The following MDM4 variants were observed in gnomAD, a reference collection of about 807,000 sequenced individuals.
The protein encoded by MDM4 is MDM4 regulator of p53, also known as protein Mdm4.
Under a neutral mutation model 60.2 loss-of-function variants are expected in MDM4, and 2 were observed. That is an observed-to-expected ratio of 0.03 (90% CI 0.01 to 0.10). The LOEUF is 0.10. MDM4 is among the 10% of genes least tolerant of loss of function. The probability of loss-of-function intolerance (pLI) is 1.00; values close to 1 mark genes in which losing one functional copy is unlikely to be tolerated. For missense variants in MDM4, 447 were observed against 577.5 expected, an observed-to-expected ratio of 0.77 and a Z score of 2.32; for synonymous variants, 202 against 198.1, an observed-to-expected ratio of 1.02 and a Z score of -0.17.
At position 204,548,949 on chromosome 1, in the gene MDM4, C is replaced by T. The variant is rs114462522; in HGVS notation, c.904-164C>T. On this transcript the variant is annotated intron_variant, in intron 10 of 10. Transcript: ENST00000367182. ...TGTGGCACTATCAGTGTAAACCTTCCAAAGACTTTCCTTCATGTGGCTGTA... is the reference window on the plus strand; with the variant it reads ...TGTGGCACTATCAGTGTAAACCTTCTAAAGACTTTCCTTCATGTGGCTGTA... Among the ~76,000 whole-genome samples the T allele has an allele frequency of 2.5e-3, 373 of 152,138 alleles. 2 individuals carry two copies. Among genetic ancestry groups the T allele is most frequent in the African/African-American group, 8.6e-3 (358 of 41,510 alleles).
Position 204,525,264 on chromosome 1 carries a change from C to G in MDM4, c.-35-220C>G, listed in dbSNP as rs551569356. On this transcript the variant is annotated intron_variant, in intron 1 of 10. Transcript: ENST00000367182. ...GAAACTGTTACTGTTTCAGCCTTCA[C>G]CTGAGAGAAGCTTGGACGATTCTTA... The G allele has an allele frequency of 6.5e-6, 6 of 920,966 alleles. No homozygotes were observed. In the South Asian group the frequency reaches 3.0e-4, roughly 46 times the overall value. 57.0% of individuals were successfully genotyped at this position (920,966 alleles called of 1,614,324 possible).
intron 3 of MDM4, among the ~76,000 whole-genome samples, chr1:204,527,284 G>C (rs1399951943): frequency 6.6e-6 from 1 of 152,032 alleles, no homozygotes; most frequent in Non-Finnish European, 1.5e-5. Flanking sequence ...TAGAATGAGA[G>C]ACCCTGTCTC....
intron 1 of MDM4, among the ~76,000 whole-genome samples, chr1:204,522,777 G>C (rs1467895157): frequency 1.3e-5 from 2 of 152,060 alleles, no homozygotes; most frequent in Non-Finnish European, 2.9e-5. Context: ...ATGGGAGAGG[G>C]AGGAATTTAT....
In MDM4 at chr1:204,557,684, G is replaced by C. The variant is rs1349960460; in HGVS notation, c.*8002G>C. The C allele has an allele frequency of 5.6e-6, 1 of 179,956 alleles. No homozygotes were observed. The highest frequency in any genetic ancestry group is 2.4e-5 in the African/African-American group (1 of 42,370). The allele number at this position is 179,956 out of a possible 1,614,324, so 11.1% of individuals were successfully genotyped here. A position where few individuals can be genotyped will look rare whatever the true frequency, so the allele number is the denominator to read the frequency against. On this transcript the variant is annotated 3_prime_UTR_variant, in exon 11 of 11. Coordinates refer to ENST00000367182, the MANE Select transcript of MDM4 (RefSeq NM_002393.5). ...CCCAAAGTACTGGGATTACAGGCGT[G>C]AGCAACTGCTCCTGGCCCAAAACAT...
At position 204,546,880 on chromosome 1, in the gene MDM4, A is replaced by G. The variant is rs751873352; in HGVS notation, c.903+3A>G. On this transcript the variant is annotated splice_donor_region_variant and intron_variant, in intron 10 of 10. Coordinates refer to ENST00000367182, the MANE Select transcript of MDM4 (RefSeq NM_002393.5). ...CCGATGTAGAGGTTACCTCTGAGGT[A>G]TGAATCTTTAGCAAGAACTATTTTG... 1.9e-6 allele frequency: 3 copies of G among 1,589,576 alleles called. No individual in the cohort carries two copies. Among genetic ancestry groups the G allele is most frequent in the Non-Finnish European group, 1.7e-6 (2 of 1,158,924 alleles).
At chr1:204,537,915 T>A in intron 6 of MDM4, 1 of 693,780 alleles carries the variant, frequency 1.4e-6, no homozygotes, top group Non-Finnish European at 2.7e-6. Flanking sequence ...TTCTGAATTA[T>A]GCCTAATTTT....
At chr1:204,522,792 G>C (rs1273705356) in intron 1 of MDM4, among the ~76,000 whole-genome samples, 1 of 151,846 alleles carries the variant, frequency 6.6e-6, no homozygotes, top group Non-Finnish European at 1.5e-5. Flanking sequence ...ATTTATACTT[G>C]ATTACAGCTA....
intron 3 of MDM4, among the ~76,000 whole-genome samples, chr1:204,530,363 A>G (rs375288088): frequency 1.3e-5 from 2 of 152,214 alleles, no homozygotes; most frequent in East Asian, 3.8e-4. Flanking sequence ...ACTTCTAGTA[A>G]TAGAATAGAC....
At position 204,556,167 on chromosome 1, in the gene MDM4, T is replaced by G. The variant is rs1415742572; in HGVS notation, c.*6485T>G. The G allele has an allele frequency of 4.4e-6, 1 of 225,206 alleles. No individual in the cohort carries two copies. The highest frequency in any genetic ancestry group is 8.8e-6 in the Non-Finnish European group (1 of 113,144). The allele number at this position is 225,206 out of a possible 1,614,324, so 14.0% of individuals were successfully genotyped here. The stretch of plus-strand genomic sequence containing the variant: ...TAGTTCCAAAGTTAATTATCTTATT[T>G]CTGGATATTGCTTTTATACCAAAGA... On this transcript the variant is annotated 3_prime_UTR_variant, in exon 11 of 11. Coordinates refer to ENST00000367182, the MANE Select transcript of MDM4 (RefSeq NM_002393.5).
intron 3 of MDM4, 45 bp from the exon 4 acceptor site, chr1:204,530,639 G>C (rs1471886235): frequency 1.3e-6 from 2 of 1,598,974 alleles, no homozygotes; most frequent in Non-Finnish European, 1.7e-6. Context: ...TTGTGTTTTT[G>C]GTAGCAGCTG....
At chr1:204,540,659 A>T (rs1040236383) in intron 7 of MDM4, among the ~76,000 whole-genome samples, 1 of 152,056 alleles carries the variant, frequency 6.6e-6, no homozygotes, top group Non-Finnish European at 1.5e-5. Context: ...GCTACTCGGG[A>T]GGCTGAGGCA....
intron 7 of MDM4, 30 bp downstream of exon 7, chr1:204,538,338 T>TAA: frequency 8.5e-7 from 1 of 1,170,688 alleles, no homozygotes; most frequent in Non-Finnish European, 1.3e-6. Context: ...TATATAGACT[T>TAA]TTGTTCTCTT....
rs1051233325 is a variant in MDM4, at chr1:204,550,057, TTC to T, written c.*377_*378del. 5 of 242,378 alleles carry T rather than the reference TTC, an allele frequency of 2.1e-5. No individual in the cohort carries two copies. The highest frequency in any genetic ancestry group is 1.1e-4 in the Admixed American group (2 of 18,748). 15.0% of individuals were successfully genotyped at this position (242,378 alleles called of 1,614,324 possible). A position where few individuals can be genotyped will look rare whatever the true frequency, so the allele number is the denominator to read the frequency against. ...ACCACCCAAAAAAGCAATAGAATGT[TTC>T]TGTCACCCCAAAACACTCCCTTCTG... On this transcript the variant is annotated 3_prime_UTR_variant, in exon 11 of 11. Coordinates refer to ENST00000367182, the MANE Select transcript of MDM4 (RefSeq NM_002393.5).
chr1:204,542,282 C>G (rs533472791), intron 7 of MDM4, among the ~76,000 whole-genome samples: 1 of 152,288 alleles, frequency 6.6e-6, no homozygotes, highest in South Asian at 2.1e-4. Flanking sequence ...CCTGGACAAC[C>G]TTGTGATCAC....
At position 204,550,147 on chromosome 1, in the gene MDM4, A is replaced by C. The variant is rs535007124; in HGVS notation, c.*465A>C. On this transcript the variant is annotated 3_prime_UTR_variant, in exon 11 of 11. Coordinates refer to ENST00000367182, the MANE Select transcript of MDM4 (RefSeq NM_002393.5). ...TCACCCTAGTTTTTTTTTTTTTTGC[A>C]CTTTTTTTTTTCCGGGGGTATAGGG... is the stretch of plus-strand genomic sequence containing the variant. The C allele has an allele frequency of 4.7e-3, 927 of 196,210 alleles. 2 individuals carry two copies. The highest frequency in any genetic ancestry group is 7.0e-3 in the Non-Finnish European group (709 of 102,014). 12.2% of individuals were successfully genotyped at this position (196,210 alleles called of 1,614,324 possible). A position where few individuals can be genotyped will look rare whatever the true frequency, so the allele number is the denominator to read the frequency against.
chr1:204,549,234 C>T lies in MDM4; in HGVS notation c.1025C>T (p.Ser342Phe), dbSNP rs746628364. The T allele has an allele frequency of 9.9e-6, 16 of 1,613,914 alleles. No individual in the cohort carries two copies. The highest frequency in any genetic ancestry group is 1.3e-5 in the African/African-American group (1 of 74,906). ...SDCSKLTHSL[S>F]TSDITAIPEK... The stretch of plus-strand genomic sequence containing the variant: ...TGTTCAAAGTTAACCCATTCTCTCT[C>T]CACGTCTGATATCACTGCCATACCT... The change falls in exon 11 of 11, where the codon TCC (serine) becomes TTC (phenylalanine). Residue 342 changes from serine to phenylalanine, a missense_variant. Physicochemically the swap from Ser to Phe is radical, Grantham distance 155 (BLOSUM62 -2). Around this residue, in one of 8 missense-constraint regions of MDM4, gnomAD observed 117 missense variants for 114.5 expected, o/e 1.02. Transcript: ENST00000367182.
chr1:204,529,356 G>C (rs1326629486), intron 3 of MDM4: 14 of 847,988 alleles, frequency 1.7e-5, no homozygotes, highest in Non-Finnish European at 2.6e-5. Context: ...ATCCATATTG[G>C]GAGGGGAGCC....
intron 9 of MDM4, 53 bp from the exon 10 acceptor site, chr1:204,546,744 A>G: frequency 8.2e-7 from 1 of 1,212,360 alleles, no homozygotes; most frequent in Non-Finnish European, 1.2e-6. Context: ...TCAGTTAATT[A>G]GCCTCATCTA....
chr1:204,545,625 TA>T lies in MDM4; in HGVS notation c.822+942del, dbSNP rs373608975. 2.0e-3 allele frequency among the ~76,000 whole-genome samples: 308 copies of T among 152,360 alleles called. 1 individual carries two copies. Among genetic ancestry groups the T allele is most frequent in the African/African-American group, 6.9e-3 (288 of 41,590 alleles). On this transcript the variant is annotated intron_variant, in intron 9 of 10. Transcript: ENST00000367182. ...AAATGGTACCTGGGTTCTCTTAGAC[TA>T]GTTATATGGGTAGCATTAGAAGGAA...
Sources: allele counts gnomAD v4.1 joint callset (sites outside exome capture counted in the v4.1 genomes callset), GRCh38; gene constraint gnomAD v4.1.1; regional missense constraint gnomAD v4.1.1; transcripts MANE v1.5; gene names NCBI Gene and HGNC (gene_info 2026-07-23, HGNC 2026-07-21).